LDLRAP1: variants seen among roughly 807,000 people sequenced by gnomAD.
LDLRAP1 encodes low density lipoprotein receptor adaptor protein 1.
Under a neutral mutation model 37.8 loss-of-function variants are expected in LDLRAP1, and 30 were observed. That is an observed-to-expected ratio of 0.79 (90% CI 0.59 to 1.08). LDLRAP1 has a LOEUF of 1.08. Ranked by LOEUF, LDLRAP1 falls within the 50% of genes least tolerant of loss-of-function variation. The pLI, the probability that LDLRAP1 is intolerant of heterozygous loss-of-function variation, is 0.00. For synonymous variants in LDLRAP1, 156 were observed against 169.8 expected (o/e 0.92, Z 0.63); for missense variants, 375 against 401.6 (o/e 0.93, Z 0.57).
In LDLRAP1 at chr1:25,567,724, C is replaced by T. The variant is rs1337293286; in HGVS notation, c.*732C>T. 6.5e-6 allele frequency: 1 copy of T among 153,624 alleles called. No individual in the cohort carries two copies. Among genetic ancestry groups the T allele is most frequent in the African/African-American group, 2.4e-5 (1 of 41,400 alleles). The allele number at this position is 153,624 out of a possible 1,614,324, so 9.5% of individuals were successfully genotyped here. A position where few individuals can be genotyped will look rare whatever the true frequency, so the allele number is the denominator to read the frequency against. ...CCAAGGTCCCCGTGGATGGTCTCCACCTGTGCTTGGAACCAGTGTAACTGG... is the reference window on the plus strand; with the variant it reads ...CCAAGGTCCCCGTGGATGGTCTCCATCTGTGCTTGGAACCAGTGTAACTGG... On this transcript the variant is annotated 3_prime_UTR_variant, in exon 9 of 9. Transcript: ENST00000374338.
chr1:25,563,916 C>A, intron 7 of LDLRAP1, 125 bp downstream of exon 7: 1 of 1,208,994 alleles, frequency 8.3e-7, no homozygotes, highest in Non-Finnish European at 1.2e-6. Context: ...CCAGACCCAG[C>A]CCGGTAGTGC....
At chr1:25,569,215 G>A (rs761383639), downstream of LDLRAP1, among the ~76,000 whole-genome samples, 16 of 152,222 alleles carry the variant, frequency 1.1e-4, no homozygotes, top group Non-Finnish European at 1.9e-4. Flanking sequence ...GGTTGTGTAC[G>A]TGTCCACGTG....
the LDLRAP1 span, among the ~76,000 whole-genome samples, chr1:25,576,839 C>T: frequency 1.3e-5 from 2 of 152,276 alleles, no homozygotes; most frequent in African/African-American, 4.8e-5. Flanking sequence ...TAAGGTCACA[C>T]AGAAGGAGGC....
chr1:25,570,261 T>C (rs777787449), downstream of LDLRAP1, among the ~76,000 whole-genome samples: 3 of 152,194 alleles, frequency 2.0e-5, no homozygotes, highest in Non-Finnish European at 4.4e-5. Context: ...TTGGCCAATG[T>C]CTTTAGTCTC....
chr1:25,547,477 T>C (rs1321992144), intron 1 of LDLRAP1, among the ~76,000 whole-genome samples: 1 of 147,408 alleles, frequency 6.8e-6, no homozygotes, highest in East Asian at 1.9e-4. Context: ...AGTGAGACTT[T>C]GTCTCAAATA....
chr1:25,564,981 A>G, intron 7 of LDLRAP1, 192 bp from the exon 8 acceptor site: 1 of 639,854 alleles, frequency 1.6e-6, no homozygotes, highest in Non-Finnish European at 2.8e-6. Context: ...CCACGTCTCC[A>G]GCTTTGGGTC....
At chr1:25,557,633 A>AG (rs1491439302) in intron 4 of LDLRAP1, among the ~76,000 whole-genome samples, 2 of 152,090 alleles carry the variant, frequency 1.3e-5, no homozygotes, top group Admixed American at 6.5e-5. Flanking sequence ...ATGGGAGATC[A>AG]GGGGGGCCTA....
At position 25,555,946 on chromosome 1, in the gene LDLRAP1, CTG is replaced by C. The variant is rs1491192863; in HGVS notation, c.344+975_344+976del. On this transcript the variant is annotated intron_variant, in intron 3 of 8. Coordinates refer to ENST00000374338, the MANE Select transcript of LDLRAP1 (RefSeq NM_015627.3). This position sits in a 1 kb window ranked among gnomAD's most constrained non-coding sequence, Gnocchi z 4.7. ...CCAAAAAGGCAAGGAGGAGATCTGCCTGGGGAAATCCCGGAAGGCCTCCCAGG... is the reference window on the plus strand; with the variant it reads ...CCAAAAAGGCAAGGAGGAGATCTGCCGGGAAATCCCGGAAGGCCTCCCAGG... Among the ~76,000 whole-genome samples the C allele has an allele frequency of 6.6e-6, 1 of 152,108 alleles. No individual in the cohort carries two copies. The highest frequency in any genetic ancestry group is 1.5e-5 in the Non-Finnish European group (1 of 68,006).
chr1:25,570,731 C>T (rs993519241), downstream of LDLRAP1, among the ~76,000 whole-genome samples: 1 of 152,000 alleles, frequency 6.6e-6, no homozygotes, highest in Non-Finnish European at 1.5e-5. Context: ...TGGTGGCGGG[C>T]GCCTGTAGTC....
At chr1:25,559,309 C>T (rs1217409335) in intron 4 of LDLRAP1, among the ~76,000 whole-genome samples, 3 of 152,160 alleles carry the variant, frequency 2.0e-5, no homozygotes, top group Non-Finnish European at 4.4e-5. Context: ...CAGAGGCTTC[C>T]TCTGGGATGA....
At position 25,567,237 on chromosome 1, in the gene LDLRAP1, C is replaced by G. The variant is rs2044507574; in HGVS notation, c.*245C>G. ...TGACTTCTGGCTTATGCTCAGAAGC[C>G]AGTCTGCGTCAGGCACGTCTCCTGC... On this transcript the variant is annotated 3_prime_UTR_variant, in exon 9 of 9. Transcript: ENST00000374338. 1.8e-6 allele frequency: 1 copy of G among 564,918 alleles called. No homozygotes were observed. Among genetic ancestry groups the G allele is most frequent in the Non-Finnish European group, 3.2e-6 (1 of 312,490 alleles). The allele number at this position is 564,918 out of a possible 1,614,324, so 35.0% of individuals were successfully genotyped here. A position where few individuals can be genotyped will look rare whatever the true frequency, so the allele number is the denominator to read the frequency against.
chr1:25,573,593 C>A (rs575628754), downstream of LDLRAP1, among the ~76,000 whole-genome samples: 5 of 152,308 alleles, frequency 3.3e-5, no homozygotes, highest in South Asian at 1.0e-3. Context: ...CCCCACCACC[C>A]CAACACTGTT....
In LDLRAP1 at chr1:25,567,449, C is replaced by G; in HGVS notation, c.*457C>G. On this transcript the variant is annotated 3_prime_UTR_variant, in exon 9 of 9. Coordinates refer to ENST00000374338, the MANE Select transcript of LDLRAP1 (RefSeq NM_015627.3). ...TGGATTTCAGTGATTTTTCCCCCCA[C>G]CCCCCAGCACAGGAGAGCACCCACA... 1 of 310,650 alleles carries G rather than the reference C, an allele frequency of 3.2e-6. No individual in the cohort carries two copies. The highest frequency in any genetic ancestry group is 2.7e-5 in the South Asian group (1 of 37,278). 19.2% of individuals were successfully genotyped at this position (310,650 alleles called of 1,614,324 possible).
intron 4 of LDLRAP1, 140 bp downstream of exon 4, chr1:25,557,407 A>G (rs2044231807): frequency 1.0e-5 from 7 of 695,378 alleles, no homozygotes; most frequent in South Asian, 1.7e-5. Context: ...GGGAACCCCA[A>G]GTGGGTGCCG....
At chr1:25,587,443 C>A in the LDLRAP1 span, among the ~76,000 whole-genome samples, 1 of 152,236 alleles carries the variant, frequency 6.6e-6, no homozygotes, top group Non-Finnish European at 1.5e-5. Flanking sequence ...GTGTGAGCCA[C>A]TGCATCCGGC....
chr1:25,555,420 A>G lies in LDLRAP1; in HGVS notation c.344+448A>G, dbSNP rs575876632. Among the ~76,000 whole-genome samples the G allele has an allele frequency of 1.9e-4, 29 of 152,180 alleles. No homozygotes were observed. The highest frequency in any genetic ancestry group is 6.7e-4 in the African/African-American group (28 of 41,502). On this transcript the variant is annotated intron_variant, in intron 3 of 8. Transcript: ENST00000374338. This position sits in a 1 kb window ranked among gnomAD's most constrained non-coding sequence, Gnocchi z 4.7. ...AAGTCAGAGTATAGATGGTCTCTCT[A>G]GTGGGTCCTCTGGTCAGCCCTTAGA...
Position 25,567,425 on chromosome 1 carries a change from G to A in LDLRAP1, c.*433G>A, listed in dbSNP as rs531827326. 1.4e-5 allele frequency: 4 copies of A among 290,898 alleles called. No homozygotes were observed. Among genetic ancestry groups the A allele is most frequent in the South Asian group, 5.5e-5 (2 of 36,174 alleles). The allele number at this position is 290,898 out of a possible 1,614,324, so 18.0% of individuals were successfully genotyped here. On this transcript the variant is annotated 3_prime_UTR_variant, in exon 9 of 9. Coordinates refer to ENST00000374338, the MANE Select transcript of LDLRAP1 (RefSeq NM_015627.3). ...GGCATCCTGCTTCCTGAAAGCTGTT[G>A]GATTTCAGTGATTTTTCCCCCCACC...
the LDLRAP1 span, among the ~76,000 whole-genome samples, chr1:25,589,043 C>T: frequency 7.9e-5 from 12 of 152,314 alleles, no homozygotes; most frequent in Admixed American, 2.0e-4. Context: ...GTGGCTTACG[C>T]CTGTAATCAC....
At chr1:25,586,347 AT>A in the LDLRAP1 span, among the ~76,000 whole-genome samples, 1 of 152,072 alleles carries the variant, frequency 6.6e-6, no homozygotes, top group Admixed American at 6.5e-5. The surrounding 1 kb of genome is among the most constrained non-coding windows in gnomAD (Gnocchi z 4.3). Flanking sequence ...CCCTGCACTC[AT>A]CTCTGGGCCT....
Sources: allele counts gnomAD v4.1 joint callset (sites outside exome capture counted in the v4.1 genomes callset), GRCh38; gene constraint gnomAD v4.1.1; non-coding constraint Gnocchi (gnomAD v3.1); transcripts MANE v1.5; gene names NCBI Gene and HGNC (gene_info 2026-07-23, HGNC 2026-07-21).